The following INTS9 variants were observed in gnomAD, a reference collection of about 807,000 sequenced individuals.
The protein encoded by INTS9 is integrator complex subunit 9.
Under a neutral mutation model 79.7 loss-of-function variants are expected in INTS9, and 55 were observed. That is an observed-to-expected ratio of 0.69 (90% CI 0.56 to 0.86). The LOEUF (loss-of-function observed/expected upper bound fraction) is 0.86. Ranked by LOEUF, INTS9 falls within the 40% of genes least tolerant of loss-of-function variation. INTS9 has a pLI of 0.00. For synonymous variants in INTS9, 319 were observed against 325.2 expected, an observed-to-expected ratio of 0.98 and a Z score of 0.20; for missense variants, 721 against 831.5, an observed-to-expected ratio of 0.87 and a Z score of 1.64.
intron 10 of INTS9, among the ~76,000 whole-genome samples, chr8:28,789,747 T>C (rs1290531799): frequency 2.0e-5 from 3 of 152,130 alleles, no homozygotes; most frequent in African/African-American, 4.8e-5. Context: ...GGCATGATGG[T>C]GACACCTGTA....
intron 12 of INTS9, chr8:28,780,166 GGAA>G (rs34735353): frequency 0.18 from 29,097 of 158,564 alleles, 3,014 homozygotes; most frequent in East Asian, 0.48. Flanking sequence ...GGGCCACACT[GGAA>G]GAAGAACTAT....
At chr8:28,853,147 G>C (rs763642733) in intron 2 of INTS9, among the ~76,000 whole-genome samples, 1 of 152,198 alleles carries the variant, frequency 6.6e-6, no homozygotes, top group Non-Finnish European at 1.5e-5. Context: ...GGGCATGGTG[G>C]CCCATGCCTA....
intron 1 of INTS9, among the ~76,000 whole-genome samples, chr8:28,887,293 T>G (rs770130871): frequency 5.3e-5 from 8 of 152,180 alleles, no homozygotes; most frequent in Non-Finnish European, 1.2e-4. Context: ...ACTCTGCAAT[T>G]AAAACAACTT....
intron 8 of INTS9, among the ~76,000 whole-genome samples, chr8:28,811,131 T>C (rs1400735234): frequency 3.1e-5 from 3 of 97,340 alleles, no homozygotes; most frequent in Admixed American, 1.0e-4. Context: ...TCTCTCTCTT[T>C]TTTTTTTTTT....
intron 3 of INTS9, 93 bp downstream of exon 3, chr8:28,850,120 C>T: frequency 1.2e-6 from 1 of 865,106 alleles, no homozygotes; most frequent in Non-Finnish European, 1.8e-6. Context: ...AAAAAAAAAG[C>T]CATCAGTCAC....
At chr8:28,821,858 C>T (rs1805851966) in intron 6 of INTS9, among the ~76,000 whole-genome samples, 1 of 151,900 alleles carries the variant, frequency 6.6e-6, no homozygotes, top group Non-Finnish European at 1.5e-5. Flanking sequence ...CAGCCTCAAC[C>T]TCCTGAGCTC....
intron 12 of INTS9, chr8:28,780,330 A>C: frequency 2.0e-6 from 2 of 978,826 alleles, no homozygotes; most frequent in Non-Finnish European, 1.2e-6. Context: ...TAGCATTCAA[A>C]GGGCTGGGCA....
chr8:28,777,869 AGCCGGGTGTCGATGG>A lies in INTS9; in HGVS notation c.1340_1354del (p.Pro447_Arg451del). 6.2e-7 allele frequency: 1 copy of A among 1,612,560 alleles called. No individual in the cohort carries two copies. The highest frequency in any genetic ancestry group is 8.5e-7 in the Non-Finnish European group (1 of 1,179,290). ...CAGCTTTGACACCTGGATGAAGTTC[AGCCGGGTGTCGATGG>A]GGCAGTAGATGCATTTCATGGCCAG... On this transcript the variant is annotated inframe_deletion, in exon 13 of 17. Transcript: ENST00000521022.
chr8:28,768,950 G>A (rs185328251), intron 16 of INTS9, among the ~76,000 whole-genome samples: 10 of 152,244 alleles, frequency 6.6e-5, no homozygotes, highest in Middle Eastern at 6.8e-3. Flanking sequence ...GAGAGGAGCC[G>A]GGGTGGAACA....
intron 3 of INTS9, among the ~76,000 whole-genome samples, chr8:28,847,160 T>C (rs1038891067): frequency 3.9e-5 from 6 of 152,146 alleles, no homozygotes; most frequent in South Asian, 2.1e-4. Context: ...TGTGGGGACA[T>C]GGATTACATA....
intron 6 of INTS9, among the ~76,000 whole-genome samples, chr8:28,817,563 C>A (rs549656124): frequency 6.6e-6 from 1 of 152,052 alleles, no homozygotes; most frequent in Non-Finnish European, 1.5e-5. Flanking sequence ...TGTAGCCTTG[C>A]AGTATAGTTT....
chr8:28,778,353 G>C (rs551972346), intron 12 of INTS9, among the ~76,000 whole-genome samples: 19 of 152,272 alleles, frequency 1.2e-4, no homozygotes, highest in African/African-American at 4.3e-4. Context: ...TTTTGAGGGA[G>C]AACAGAATAT....
At chr8:28,784,254 G>T (rs529665180) in intron 11 of INTS9, among the ~76,000 whole-genome samples, 2 of 152,218 alleles carry the variant, frequency 1.3e-5, no homozygotes, top group Admixed American at 6.5e-5. Flanking sequence ...CAGGTCATTT[G>T]TGACAGGTGT....
chr8:28,880,278 C>CGG lies in INTS9; in HGVS notation c.9+9595_9+9596insCC, dbSNP rs1563317750. Among the ~76,000 whole-genome samples, 434 of 143,118 alleles carry CGG rather than the reference C, an allele frequency of 3.0e-3. 2 individuals carry two copies. Among genetic ancestry groups the CGG allele is most frequent in the African/African-American group, 0.011 (422 of 37,868 alleles). 93.9% of individuals were successfully genotyped at this position (143,118 alleles called of 152,430 possible). A position where few individuals can be genotyped will look rare whatever the true frequency, so the allele number is the denominator to read the frequency against. ...TCCCTCTCCCTCTCCCTCTCCCTCT[C>CGG]TCTCCCTCCACGGTCTCCCTCTGAT... On this transcript the variant is annotated intron_variant, in intron 1 of 16. Coordinates refer to ENST00000521022, the MANE Select transcript of INTS9 (RefSeq NM_018250.4).
In INTS9 at chr8:28,840,436, T is replaced by C. The variant is rs1807106706; in HGVS notation, c.262-2660A>G. On this transcript the variant is annotated intron_variant, in intron 4 of 16. Coordinates refer to ENST00000521022, the MANE Select transcript of INTS9 (RefSeq NM_018250.4). ...ATACCATTTGACCCAGCCATCCCAT[T>C]ACTGGGTATATACCCAAAGGACTAT... Among the ~76,000 whole-genome samples, 3 of 145,784 alleles carry C rather than the reference T, an allele frequency of 2.1e-5. No homozygotes were observed. The South Asian group carries it at 6.9e-4, about 33-fold the overall frequency.
At chr8:28,876,682 T>C (rs765300183) in intron 1 of INTS9, among the ~76,000 whole-genome samples, 1 of 151,382 alleles carries the variant, frequency 6.6e-6, no homozygotes, top group Admixed American at 6.6e-5. Flanking sequence ...GAGAAAGAAA[T>C]GAAGTGTAAA....
intron 6 of INTS9, among the ~76,000 whole-genome samples, chr8:28,817,508 A>G (rs1291305409): frequency 6.6e-6 from 1 of 152,072 alleles, no homozygotes; most frequent in Non-Finnish European, 1.5e-5. Context: ...TGTTCCATTG[A>G]TCTATATCTC....
intron 6 of INTS9, among the ~76,000 whole-genome samples, chr8:28,820,269 A>G (rs1354707615): frequency 6.6e-6 from 1 of 152,236 alleles, no homozygotes; most frequent in Non-Finnish European, 1.5e-5. Flanking sequence ...ACAATTTGGC[A>G]TGATTTTGCA....
chr8:28,838,721 A>G (rs967727742), intron 4 of INTS9, among the ~76,000 whole-genome samples: 3 of 152,118 alleles, frequency 2.0e-5, no homozygotes, highest in Admixed American at 2.0e-4. Flanking sequence ...GGTTTTCACC[A>G]TGTTGGCCAA....
Sources: gnomAD v4.1 joint callset for allele counts (sites outside exome capture counted in the v4.1 genomes callset) on GRCh38, gnomAD v4.1.1 for gene constraint, MANE v1.5 for transcripts, NCBI Gene and HGNC (gene_info 2026-07-23, HGNC 2026-07-21) for gene names.